TRAPPC9: variants seen among roughly 807,000 people sequenced by gnomAD.
TRAPPC9 encodes IKK2 binding protein.
In TRAPPC9, 83 loss-of-function variants were observed where a neutral mutation model predicts 124.0. That is an observed-to-expected ratio of 0.67 (90% CI 0.56 to 0.80). The LOEUF (loss-of-function observed/expected upper bound fraction) is 0.80. TRAPPC9 is among the 30% of genes least tolerant of loss of function. The probability of loss-of-function intolerance (pLI) is 0.00; values close to 1 mark genes in which losing one functional copy is unlikely to be tolerated. For missense variants in TRAPPC9, 1,302 were observed against 1,508.3 expected, an observed-to-expected ratio of 0.86 and a Z score of 2.27; for synonymous variants, 638 against 617.5, an observed-to-expected ratio of 1.03 and a Z score of -0.49.
intron 20 of TRAPPC9, among the ~76,000 whole-genome samples, chr8:139,901,714 G>A (rs1388431229): frequency 6.6e-6 from 1 of 152,226 alleles, no homozygotes. Flanking sequence ...GCGAGGCCCT[G>A]GCAGAAGCCA....
intron 5 of TRAPPC9, among the ~76,000 whole-genome samples, chr8:140,418,681 C>A (rs1490584735): frequency 2.0e-5 from 3 of 152,050 alleles, no homozygotes; most frequent in Non-Finnish European, 4.4e-5. Context: ...AGATATGCAA[C>A]TGCACTCCAG....
chr8:140,181,121 T>C (rs2062192533), intron 17 of TRAPPC9, among the ~76,000 whole-genome samples: 1 of 152,236 alleles, frequency 6.6e-6, no homozygotes, highest in African/African-American at 2.4e-5. Flanking sequence ...TCTACCTGTC[T>C]CACTGTAACC....
At chr8:139,948,229 G>A (rs1834390869) in intron 19 of TRAPPC9, among the ~76,000 whole-genome samples, 1 of 150,164 alleles carries the variant, frequency 6.7e-6, no homozygotes, top group African/African-American at 2.5e-5. Flanking sequence ...TACACTGAGT[G>A]GGGGAAGATG....
chr8:140,003,288 A>C (rs1838523643), intron 18 of TRAPPC9, among the ~76,000 whole-genome samples: 1 of 152,126 alleles, frequency 6.6e-6, no homozygotes, highest in East Asian at 1.9e-4. Context: ...AGAAAGCACA[A>C]ATTAGGCCGG....
chr8:140,026,549 C>T (rs553091167), intron 17 of TRAPPC9, among the ~76,000 whole-genome samples: 5 of 152,290 alleles, frequency 3.3e-5, no homozygotes, highest in Admixed American at 2.6e-4. Flanking sequence ...AAAGGAATAT[C>T]TCACTGTGGT....
intron 9 of TRAPPC9, among the ~76,000 whole-genome samples, chr8:140,318,185 G>A (rs1346492512): frequency 6.6e-6 from 1 of 151,936 alleles, no homozygotes; most frequent in Non-Finnish European, 1.5e-5. Context: ...GGATATATGA[G>A]GATTCATTTT....
chr8:139,756,419 G>A (rs1323586326), intron 21 of TRAPPC9, among the ~76,000 whole-genome samples: 2 of 130,872 alleles, frequency 1.5e-5, no homozygotes, highest in South Asian at 5.2e-4. Flanking sequence ...CAGATCACAG[G>A]AGGAGCCAGG....
At chr8:140,302,829 G>C (rs2066019726) in intron 10 of TRAPPC9, 1 of 152,262 alleles carries the variant, frequency 6.6e-6, no homozygotes, top group Admixed American at 6.5e-5. Context: ...GAGCAACTGA[G>C]AGAGCTGGAG....
chr8:139,999,290 A>C (rs544199947), intron 18 of TRAPPC9, among the ~76,000 whole-genome samples: 1 of 152,312 alleles, frequency 6.6e-6, no homozygotes, highest in Admixed American at 6.5e-5. Context: ...TGCCAAGAAA[A>C]CACGATTCAA....
intron 17 of TRAPPC9, among the ~76,000 whole-genome samples, chr8:140,057,059 A>T (rs1842326868): frequency 6.6e-6 from 1 of 152,364 alleles, no homozygotes; most frequent in East Asian, 1.9e-4. Flanking sequence ...TCCAAAGAAG[A>T]CATAGAAATG....
At chr8:140,026,656 G>T (rs760961180) in intron 17 of TRAPPC9, among the ~76,000 whole-genome samples, 32 of 152,160 alleles carry the variant, frequency 2.1e-4, no homozygotes, top group Non-Finnish European at 4.1e-4. Flanking sequence ...TTCTATTTGA[G>T]TCCTTCAGTC....
At chr8:139,757,376 AGGACAGCAGG>A (rs1819914513) in intron 21 of TRAPPC9, among the ~76,000 whole-genome samples, 1 of 137,886 alleles carries the variant, frequency 7.3e-6, no homozygotes, top group African/African-American at 2.8e-5. Flanking sequence ...TTGGGGGATG[AGGACAGCAGG>A]TCGCAGGAGG....
At chr8:139,991,571 G>C (rs1587432990) in intron 18 of TRAPPC9, among the ~76,000 whole-genome samples, 1 of 146,418 alleles carries the variant, frequency 6.8e-6, no homozygotes, top group East Asian at 2.0e-4. Context: ...CTTAATTCTT[G>C]TTTGCTTTTT....
intron 21 of TRAPPC9, among the ~76,000 whole-genome samples, chr8:139,773,951 C>G (rs543408959): frequency 2.6e-5 from 4 of 152,236 alleles, no homozygotes; most frequent in African/African-American, 7.2e-5. Context: ...TCATCTCCCA[C>G]GTGGGACAGC....
chr8:140,169,125 T>G (rs1468938345), intron 17 of TRAPPC9, among the ~76,000 whole-genome samples: 1 of 150,948 alleles, frequency 6.6e-6, no homozygotes, highest in Non-Finnish European at 1.5e-5. Context: ...TGGGAAAAAT[T>G]CATTTATTTT....
At chr8:139,793,339 A>G (rs11778622) in intron 21 of TRAPPC9, among the ~76,000 whole-genome samples, 59,996 of 152,052 alleles carry the variant, frequency 0.39, 13,916 homozygotes, top group Non-Finnish European at 0.52. Context: ...TGTGCCCTGC[A>G]CTACTTGATG....
chr8:140,156,291 T>C (rs939697899), intron 17 of TRAPPC9, among the ~76,000 whole-genome samples: 1 of 152,202 alleles, frequency 6.6e-6, no homozygotes, highest in African/African-American at 2.4e-5. Context: ...CAATGCAACC[T>C]GGACATTCAC....
chr8:140,411,478 A>G (rs2132463884), intron 5 of TRAPPC9, among the ~76,000 whole-genome samples: 1 of 152,282 alleles, frequency 6.6e-6, no homozygotes, highest in East Asian at 1.9e-4. Flanking sequence ...AGTAGCTGGG[A>G]CTACAGGCAC....
At chr8:140,359,542 T>G (rs1249387517) in intron 9 of TRAPPC9, among the ~76,000 whole-genome samples, 2 of 152,044 alleles carry the variant, frequency 1.3e-5, no homozygotes, top group African/African-American at 2.4e-5. Flanking sequence ...CATCTTTGGT[T>G]CTGGAAGGGG....
Sources: gnomAD v4.1 joint callset for allele counts (sites outside exome capture counted in the v4.1 genomes callset) on GRCh38, gnomAD v4.1.1 for gene constraint, MANE v1.5 for transcripts, NCBI Gene and HGNC (gene_info 2026-07-23, HGNC 2026-07-21) for gene names.